The following AP3B2 variants were observed in gnomAD, a reference collection of about 807,000 sequenced individuals.
AP3B2 encodes the protein AP-3 complex subunit beta-2.
AP3B2 carries 50 observed loss-of-function variants against 126.9 expected under a neutral mutation model. That is an observed-to-expected ratio of 0.39 (90% CI 0.31 to 0.50). AP3B2 has a LOEUF of 0.50. Among genes scored for constraint, AP3B2 ranks in the 20% least tolerant of loss-of-function variants. The pLI is 0.79. For missense variants in AP3B2, 1,177 were observed against 1,426.4 expected (o/e 0.83, Z 2.82); for synonymous variants, 541 against 565.0 (o/e 0.96, Z 0.60).
In AP3B2 at chr15:82,680,367, T is replaced by A; in HGVS notation, c.1055+105A>T. The A allele has an allele frequency of 6.9e-7, 1 of 1,452,630 alleles. No individual in the cohort carries two copies. The highest frequency in any genetic ancestry group is 2.5e-5 in the East Asian group (1 of 39,622). The allele number at this position is 1,452,630 out of a possible 1,614,324, so 90.0% of individuals were successfully genotyped here. ...AGGACTACGGTCAGTGTGGAGCGGG[T>A]GGGCAGAGGTGGAAGCGGCTGGTGG... On this transcript the variant is annotated intron_variant, in intron 8 of 26. Transcript: ENST00000535359. The surrounding 1 kb of genome is among the most constrained non-coding windows in gnomAD (Gnocchi z 6.1).
chr15:82,680,869 C>T lies in AP3B2; in HGVS notation c.739G>A (p.Ala247Thr). The change falls in exon 7 of 27, where the codon GCC (alanine) becomes ACC (threonine). Residue 247 changes from alanine to threonine, a missense_variant. By Grantham distance (58) the Ala-to-Thr change is moderately conservative. Coordinates refer to ENST00000535359, the MANE Select transcript of AP3B2 (RefSeq NM_001278512.2). The surrounding 1 kb of genome is among the most constrained non-coding windows in gnomAD (Gnocchi z 6.1). ...VVIISMLTRY[A>T]RTQFLSPTQN... ...GTGGGGCTCAGGAACTGCGTGCGGG[C>T]GTAGCGGGTGAGCATGCTGATGATG... 6.2e-7 allele frequency: 1 copy of T among 1,613,776 alleles called. No homozygotes were observed. Among genetic ancestry groups the T allele is most frequent in the South Asian group, 1.1e-5 (1 of 91,064 alleles).
Position 82,681,261 on chromosome 15 carries a change from C to T in AP3B2, c.522-83G>A. 1 of 1,532,544 alleles carries T rather than the reference C, an allele frequency of 6.5e-7. No individual in the cohort carries two copies. Among genetic ancestry groups the T allele is most frequent in the Middle Eastern group, 1.7e-4 (1 of 5,908 alleles). 94.9% of individuals were successfully genotyped at this position (1,532,544 alleles called of 1,614,324 possible). A position where few individuals can be genotyped will look rare whatever the true frequency, so the allele number is the denominator to read the frequency against. ...CTGTCCAAGCCATGCTCACCTCCTGCACCCCAGCCTTATTGTTCTCCTCCA... is the reference window on the plus strand; with the variant it reads ...CTGTCCAAGCCATGCTCACCTCCTGTACCCCAGCCTTATTGTTCTCCTCCA... On this transcript the variant is annotated intron_variant, in intron 5 of 26. Transcript: ENST00000535359. The surrounding 1 kb of genome is among the most constrained non-coding windows in gnomAD (Gnocchi z 4.0).
intron 1 of AP3B2, among the ~76,000 whole-genome samples, chr15:82,698,780 G>A (rs1050484445): frequency 4.0e-5 from 6 of 151,626 alleles, no homozygotes; most frequent in African/African-American, 1.2e-4. Context: ...TGCCACATGC[G>A]CCTGTCAAAT....
chr15:82,695,250 C>T (rs562294780), intron 1 of AP3B2, among the ~76,000 whole-genome samples: 1 of 151,994 alleles, frequency 6.6e-6, no homozygotes, highest in Admixed American at 6.5e-5. Context: ...CAGTTGCCCA[C>T]CACCACACCT....
At chr15:82,691,794 A>G in intron 1 of AP3B2, 1 of 1,513,628 alleles carries the variant, frequency 6.6e-7, no homozygotes, top group Non-Finnish European at 9.2e-7. Flanking sequence ...CGGCCCCTTG[A>G]CCCAAACCGA....
chr15:82,669,214 G>A (rs367646395), intron 14 of AP3B2, among the ~76,000 whole-genome samples: 18 of 152,178 alleles, frequency 1.2e-4, no homozygotes, highest in African/African-American at 4.3e-4. Context: ...ACTCTGTATT[G>A]GAAGTTCTAT....
Position 82,664,747 on chromosome 15 carries a change from C to A in AP3B2, c.2137+88G>T. On this transcript the variant is annotated intron_variant, in intron 18 of 26. Transcript: ENST00000535359. The surrounding 1 kb of genome is among the most constrained non-coding windows in gnomAD (Gnocchi z 4.5). ...ACAAGCAGGTGCACACCCCTAGACA[C>A]ACAACCATATACATATACCCCTCAT... 1 of 1,118,770 alleles carries A rather than the reference C, an allele frequency of 8.9e-7. No individual in the cohort carries two copies. Among genetic ancestry groups the A allele is most frequent in the South Asian group, 1.5e-5 (1 of 67,748 alleles). 69.3% of individuals were successfully genotyped at this position (1,118,770 alleles called of 1,614,324 possible).
rs2048268044 is a variant in AP3B2, at chr15:82,677,799, T to C, written c.1250A>G (p.Tyr417Cys). Residue 417 changes from tyrosine to cysteine, a missense_variant, in exon 12 of 27, where the codon TAT becomes TGT. By Grantham distance (194) the Tyr-to-Cys change is radical. Coordinates refer to ENST00000535359, the MANE Select transcript of AP3B2 (RefSeq NM_001278512.2). ...AAAGTCCTTGTCCATGCTGCGAATA[T>C]AGGTCTGTGGGATATGACAAAGAAA... ...IPTVLREFQT[Y>C]IRSMDKDFVA... is the part of the protein sequence containing the mutation. 2 of 1,604,250 alleles carry C rather than the reference T, an allele frequency of 1.2e-6. No homozygotes were observed. The highest frequency in any genetic ancestry group is 1.7e-6 in the Non-Finnish European group (2 of 1,174,274).
chr15:82,696,227 A>C (rs1423724003), intron 1 of AP3B2, among the ~76,000 whole-genome samples: 13 of 152,212 alleles, frequency 8.5e-5, no homozygotes, highest in Admixed American at 7.9e-4. Flanking sequence ...GACACAATTC[A>C]GCCCATAATA....
At chr15:82,706,643 C>A (rs1384593785) in intron 1 of AP3B2, among the ~76,000 whole-genome samples, 1 of 152,172 alleles carries the variant, frequency 6.6e-6, no homozygotes, top group East Asian at 1.9e-4. Context: ...ATGAAACTTA[C>A]ACCTATGAAT....
intron 14 of AP3B2, among the ~76,000 whole-genome samples, chr15:82,667,997 G>T (rs2048087781): frequency 6.6e-6 from 1 of 152,188 alleles, no homozygotes; most frequent in Admixed American, 6.5e-5. Context: ...GCAGGAGGGA[G>T]CCTGGAACTG....
chr15:82,664,599 C>G lies in AP3B2; in HGVS notation c.2138-109G>C. On this transcript the variant is annotated intron_variant, in intron 18 of 26. Transcript: ENST00000535359. The surrounding 1 kb of genome is among the most constrained non-coding windows in gnomAD (Gnocchi z 4.5). Reference sequence around the variant, plus strand: ...TTCAGTACTGAACCCTCAAACCTCTCTGACCTGCCCCCAGCCCTACATGCC... The same window carrying G: ...TTCAGTACTGAACCCTCAAACCTCTGTGACCTGCCCCCAGCCCTACATGCC... 7.2e-7 allele frequency: 1 copy of G among 1,387,096 alleles called. No individual in the cohort carries two copies. Among genetic ancestry groups the G allele is most frequent in the Non-Finnish European group, 9.9e-7 (1 of 1,014,824 alleles). 85.9% of individuals were successfully genotyped at this position (1,387,096 alleles called of 1,614,324 possible). A position where few individuals can be genotyped will look rare whatever the true frequency, so the allele number is the denominator to read the frequency against.
intron 1 of AP3B2, among the ~76,000 whole-genome samples, chr15:82,706,639 C>T (rs1165917657): frequency 6.6e-6 from 1 of 152,194 alleles, no homozygotes; most frequent in Non-Finnish European, 1.5e-5. Flanking sequence ...CCCAATGAAA[C>T]TTACACCTAT....
chr15:82,683,047 G>GTATTTTTT (rs2048368298), intron 4 of AP3B2, among the ~76,000 whole-genome samples: 1 of 77,716 alleles, frequency 1.3e-5, no homozygotes, highest in Admixed American at 1.8e-4. Flanking sequence ...TGCACCAGGA[G>GTATTTTTT]TTTTTTTTTT....
At chr15:82,690,484 A>G (rs1204869619) in intron 1 of AP3B2, among the ~76,000 whole-genome samples, 1 of 151,410 alleles carries the variant, frequency 6.6e-6, no homozygotes, top group Non-Finnish European at 1.5e-5. Context: ...ATTCCCACCT[A>G]TGAGTGAGAA....
intron 14 of AP3B2, among the ~76,000 whole-genome samples, chr15:82,674,691 G>A (rs1476910312): frequency 6.6e-6 from 1 of 152,230 alleles, no homozygotes; most frequent in Non-Finnish European, 1.5e-5. Context: ...AGGCCTACAT[G>A]TTAAATAAAT....
intron 14 of AP3B2, among the ~76,000 whole-genome samples, chr15:82,668,934 T>C (rs1425008951): frequency 6.6e-6 from 1 of 152,240 alleles, no homozygotes. Context: ...TGCAGATGCC[T>C]GCTAATCATG....
intron 1 of AP3B2, among the ~76,000 whole-genome samples, chr15:82,700,954 G>A (rs777643941): frequency 2.0e-5 from 3 of 151,788 alleles, no homozygotes; most frequent in East Asian, 3.9e-4. Flanking sequence ...TCCACCTCCC[G>A]GGTTCATGTG....
intron 4 of AP3B2, chr15:82,686,660 G>A (rs1211142148): frequency 1.3e-5 from 2 of 151,662 alleles, no homozygotes; most frequent in Non-Finnish European, 2.9e-5. Context: ...GTCTCCCTAT[G>A]TTGCCCAGGC....
Sources: gnomAD v4.1 joint callset for allele counts (sites outside exome capture counted in the v4.1 genomes callset) on GRCh38, gnomAD v4.1.1 for gene constraint, Gnocchi (gnomAD v3.1) non-coding constraint, MANE v1.5 for transcripts, NCBI Gene and HGNC (gene_info 2026-07-23, HGNC 2026-07-21) for gene names.